The following DLG2 variants were observed in gnomAD, a reference collection of about 807,000 sequenced individuals.
DLG2 encodes disks large homolog 2.
In DLG2, 45 loss-of-function variants were observed where a neutral mutation model predicts 132.5. The ratio of observed to expected loss-of-function variants is 0.34; its 90% CI spans 0.27 to 0.44. The LOEUF (loss-of-function observed/expected upper bound fraction) is 0.44. Ranked by LOEUF, DLG2 falls within the 20% of genes least tolerant of loss-of-function variation. The pLI is 1.00. For synonymous variants in DLG2, 424 were observed against 419.6 expected, an observed-to-expected ratio of 1.01 and a Z score of -0.13; for missense variants, 1,045 against 1,196.9, an observed-to-expected ratio of 0.87 and a Z score of 1.87.
intron 6 of DLG2, among the ~76,000 whole-genome samples, chr11:84,591,641 A>G (rs752460558): frequency 5.9e-5 from 9 of 151,938 alleles, no homozygotes; most frequent in Non-Finnish European, 1.2e-4. Flanking sequence ...AGCCTAGGCA[A>G]CAGAGCAAGA....
At chr11:84,788,100 C>CAAAAAAAAAAAAA (rs139086655) in intron 6 of DLG2, among the ~76,000 whole-genome samples, 3 of 45,666 alleles carry the variant, frequency 6.6e-5, no homozygotes, top group Non-Finnish European at 7.0e-5. Context: ...GAATATGTCT[C>CAAAAAAAAAAAAA]AAAAAAAAAA....
At chr11:84,434,998 T>C (rs1490900598) in intron 7 of DLG2, among the ~76,000 whole-genome samples, 1 of 151,068 alleles carries the variant, frequency 6.6e-6, no homozygotes, top group Non-Finnish European at 1.5e-5. Flanking sequence ...TGTAAAGATA[T>C]ATCTCCCCAA....
chr11:83,995,561 C>A (rs1244033424), intron 11 of DLG2, among the ~76,000 whole-genome samples: 1 of 152,126 alleles, frequency 6.6e-6, no homozygotes, highest in Non-Finnish European at 1.5e-5. Context: ...ATCACATTCC[C>A]TGACTTCAAA....
At chr11:83,789,611 G>A (rs369964158) in intron 17 of DLG2, among the ~76,000 whole-genome samples, 1 of 151,156 alleles carries the variant, frequency 6.6e-6, no homozygotes. Context: ...GCAGTGGCAT[G>A]ATCTCAGCTC....
Position 85,540,660 on chromosome 11 carries a change from G to C in DLG2, c.40+57997C>G, listed in dbSNP as rs1202370161. Among the ~76,000 whole-genome samples the C allele has an allele frequency of 2.6e-5, 4 of 152,194 alleles. No homozygotes were observed. In the South Asian group the frequency reaches 8.3e-4, roughly 32 times the overall value. ...TGTGATAAAGCAGAGGCTCTAATTG[G>C]GCGGATTAACACAAGCTGCCTACAG... On this transcript the variant is annotated intron_variant, in intron 3 of 27. Transcript: ENST00000376104.
intron 19 of DLG2, among the ~76,000 whole-genome samples, chr11:83,558,260 T>C (rs1251353047): frequency 6.6e-6 from 1 of 152,230 alleles, no homozygotes; most frequent in Non-Finnish European, 1.5e-5. Flanking sequence ...CATCTTCTTA[T>C]TGGCTTTAAA....
chr11:84,028,139 C>T (rs1404082903), intron 11 of DLG2, among the ~76,000 whole-genome samples: 1 of 151,488 alleles, frequency 6.6e-6, no homozygotes, highest in Non-Finnish European at 1.5e-5. Context: ...TATGCTTTTA[C>T]AATAACAGCA....
At position 85,145,775 on chromosome 11, in the gene DLG2, T is replaced by A. The variant is rs148613551; in HGVS notation, c.282+8781A>T. Among the ~76,000 whole-genome samples, 333 of 152,226 alleles carry A rather than the reference T, an allele frequency of 2.2e-3. 1 individual carries two copies. The highest frequency in any genetic ancestry group is 7.3e-3 in the African/African-American group (305 of 41,548). ...TGCTCACTGAACTTTCTCAAACAAC[T>A]ATTTTTAATTCTGTTTCTGAAAGTT... On this transcript the variant is annotated intron_variant, in intron 5 of 27. Coordinates refer to ENST00000376104, the MANE Select transcript of DLG2 (RefSeq NM_001142699.3).
chr11:84,277,219 C>G (rs1199822928), intron 7 of DLG2, among the ~76,000 whole-genome samples: 1 of 152,074 alleles, frequency 6.6e-6, no homozygotes, highest in Non-Finnish European at 1.5e-5. Flanking sequence ...AACTAGGCAC[C>G]AATTTGAGCT....
rs188362615 is a variant in DLG2 at position 84,633,996 on chromosome 11, A to G, written c.358-99265T>C. Among the ~76,000 whole-genome samples, 7 of 152,348 alleles carry G rather than the reference A, an allele frequency of 4.6e-5. No homozygotes were observed. The East Asian group carries it at 1.3e-3, about 29-fold the overall frequency. Reference sequence around the variant, plus strand: ...ACCAGAATTATTGGCACATTTAGCCATATTCTTTAAAGAAAAAAAGCATAC... The same window carrying G: ...ACCAGAATTATTGGCACATTTAGCCGTATTCTTTAAAGAAAAAAAGCATAC... On this transcript the variant is annotated intron_variant, in intron 6 of 27. Transcript: ENST00000376104.
intron 9 of DLG2, among the ~76,000 whole-genome samples, chr11:84,107,013 T>TGTGAGAGA (rs1555348732): frequency 7.9e-6 from 1 of 126,104 alleles, no homozygotes; most frequent in Non-Finnish European, 1.7e-5. Flanking sequence ...TGTGTGTGTG[T>TGTGAGAGA]GAGAGAGTTT....
At chr11:85,519,012 T>C (rs1565624821) in intron 3 of DLG2, among the ~76,000 whole-genome samples, 1 of 152,032 alleles carries the variant, frequency 6.6e-6, no homozygotes, top group Non-Finnish European at 1.5e-5. Context: ...TCAGAAGACA[T>C]ATGGAAAGAC....
At chr11:84,972,542 A>G (rs2054248442) in intron 6 of DLG2, among the ~76,000 whole-genome samples, 1 of 152,228 alleles carries the variant, frequency 6.6e-6, no homozygotes, top group Non-Finnish European at 1.5e-5. Flanking sequence ...GATTCAAACA[A>G]GAAACTTTTA....
At position 84,313,562 on chromosome 11, in the gene DLG2, GAGGA is replaced by G. The variant is rs1303692488; in HGVS notation, c.520-62275_520-62272del. The stretch of plus-strand genomic sequence containing the variant: ...GAAGGAAGGAAGGGAGGGAGGGAGG[GAGGA>G]GAGAGAGAGAGAGAGAAAGGAAGGA... On this transcript the variant is annotated intron_variant, in intron 7 of 27. Transcript: ENST00000376104. 1.7e-3 allele frequency among the ~76,000 whole-genome samples: 203 copies of G among 121,152 alleles called. 8 individuals are homozygous for G. The highest frequency in any genetic ancestry group is 5.2e-3 in the African/African-American group (175 of 33,790). 79.5% of individuals were successfully genotyped at this position (121,152 alleles called of 152,430 possible). A position where few individuals can be genotyped will look rare whatever the true frequency, so the allele number is the denominator to read the frequency against.
chr11:84,776,894 T>C (rs1448735743), intron 6 of DLG2, among the ~76,000 whole-genome samples: 1 of 152,164 alleles, frequency 6.6e-6, no homozygotes, highest in Non-Finnish European at 1.5e-5. Context: ...AGATATATTT[T>C]TCTTTTTTAT....
intron 6 of DLG2, chr11:84,800,530 G>C (rs2075236041): frequency 6.6e-6 from 1 of 152,150 alleles, no homozygotes; most frequent in South Asian, 2.1e-4. Context: ...TTGTTTTGCA[G>C]ATAAGGATGC....
intron 18 of DLG2, among the ~76,000 whole-genome samples, chr11:83,718,501 G>A (rs1381948996): frequency 1.1e-4 from 13 of 123,670 alleles, no homozygotes; most frequent in Non-Finnish European, 3.2e-5. Context: ...TCTAGCCTAG[G>A]TGATAAGAGT....
At chr11:83,782,054 A>C (rs1164602764) in intron 18 of DLG2, among the ~76,000 whole-genome samples, 1 of 152,124 alleles carries the variant, frequency 6.6e-6, no homozygotes, top group Non-Finnish European at 1.5e-5. Context: ...ACAGCTGTAG[A>C]TTTTCTGCAA....
At chr11:83,700,700 G>A (rs146827476) in intron 18 of DLG2, among the ~76,000 whole-genome samples, 73 of 151,512 alleles carry the variant, frequency 4.8e-4, no homozygotes, top group Non-Finnish European at 5.9e-4. Context: ...TACATCTTGC[G>A]GGATTAATTG....
Sources: allele counts gnomAD v4.1 joint callset (sites outside exome capture counted in the v4.1 genomes callset), GRCh38; gene constraint gnomAD v4.1.1; transcripts MANE v1.5; gene names NCBI Gene and HGNC (gene_info 2026-07-23, HGNC 2026-07-21).